RPS6KC1: variants seen among roughly 807,000 people sequenced by gnomAD.
The protein encoded by RPS6KC1 is ribosomal protein S6 kinase C1.
Under a neutral mutation model 103.8 loss-of-function variants are expected in RPS6KC1, and 54 were observed. The observed-to-expected ratio is 0.52, with a 90% CI of 0.42 to 0.65. The LOEUF (loss-of-function observed/expected upper bound fraction) is 0.65. Among genes scored for constraint, RPS6KC1 ranks in the 30% least tolerant of loss-of-function variants. RPS6KC1 has a pLI of 0.00. For missense variants in RPS6KC1, 1,151 were observed against 1,253.8 expected (o/e 0.92, Z 1.24); for synonymous variants, 439 against 438.7 (o/e 1.00, Z -0.01).
chr1:213,501,732 CA>C, the RPS6KC1 span, among the ~76,000 whole-genome samples: 84,557 of 126,854 alleles, frequency 0.67, 25,740 homozygotes, highest in East Asian at 0.96. Context: ...GAGAGTCCAT[CA>C]AAAAAAAAAA....
chr1:213,312,256 G>GC, the RPS6KC1 span, among the ~76,000 whole-genome samples: 1 of 151,924 alleles, frequency 6.6e-6, no homozygotes, highest in Non-Finnish European at 1.5e-5. Flanking sequence ...AGTGCAGGGG[G>GC]GGCAACTGCA....
At chr1:213,482,279 G>A in the RPS6KC1 span, among the ~76,000 whole-genome samples, 11 of 151,860 alleles carry the variant, frequency 7.2e-5, no homozygotes, top group Admixed American at 3.9e-4. Context: ...TCTTGGTTTG[G>A]TAAAGTATAA....
Position 213,249,383 on chromosome 1 carries a change from C to A in RPS6KC1, c.2911+6725C>A, listed in dbSNP as rs141529806. Among the ~76,000 whole-genome samples the A allele has an allele frequency of 2.4e-3, 365 of 152,280 alleles. 2 individuals carry two copies. The highest frequency in any genetic ancestry group is 4.3e-3 in the Non-Finnish European group (291 of 68,008). On this transcript the variant is annotated intron_variant, in intron 12 of 14. Transcript: ENST00000366960. ...CAGGTCTTATTCCTTCTGAGCAGTT[C>A]TTCACAAATTCTTCCTTCGAATAAA...
At chr1:213,367,738 C>A in the RPS6KC1 span, among the ~76,000 whole-genome samples, 1 of 152,162 alleles carries the variant, frequency 6.6e-6, no homozygotes, top group Non-Finnish European at 1.5e-5. Context: ...GTTCTCAGAC[C>A]ACACATTTTG....
chr1:213,537,864 G>GTA, the RPS6KC1 span, among the ~76,000 whole-genome samples: 2 of 152,260 alleles, frequency 1.3e-5, no homozygotes, highest in African/African-American at 4.8e-5. Context: ...CAGGTGCTTT[G>GTA]TATATATCTA....
chr1:213,187,844 G>T (rs768620510), intron 8 of RPS6KC1, among the ~76,000 whole-genome samples: 2 of 151,388 alleles, frequency 1.3e-5, no homozygotes, highest in Non-Finnish European at 2.9e-5. Context: ...ATCTTGTTTT[G>T]GTTTCTACTG....
At chr1:213,219,181 A>G (rs1220366628) in intron 8 of RPS6KC1, among the ~76,000 whole-genome samples, 1 of 152,198 alleles carries the variant, frequency 6.6e-6, no homozygotes, top group Non-Finnish European at 1.5e-5. Flanking sequence ...ATGTAACCCC[A>G]TCAACAAGTG....
At chr1:213,624,342 C>G in the RPS6KC1 span, among the ~76,000 whole-genome samples, 1 of 152,232 alleles carries the variant, frequency 6.6e-6, no homozygotes, top group South Asian at 2.1e-4. Flanking sequence ...TGATCTTTGT[C>G]CTGACAGAGC....
At chr1:213,220,358 G>A (rs967156906) in intron 8 of RPS6KC1, among the ~76,000 whole-genome samples, 1 of 152,056 alleles carries the variant, frequency 6.6e-6, no homozygotes, top group African/African-American at 2.4e-5. Flanking sequence ...ATGGAGTCTC[G>A]CTCTGTCACC....
At chr1:213,569,573 A>AT in the RPS6KC1 span, among the ~76,000 whole-genome samples, 86 of 149,124 alleles carry the variant, frequency 5.8e-4, no homozygotes, top group African/African-American at 1.4e-3. Context: ...GCAGCAAGCT[A>AT]TTTTTTTTTT....
chr1:213,068,181 A>G (rs1325521053), intron 1 of RPS6KC1, among the ~76,000 whole-genome samples: 1 of 152,138 alleles, frequency 6.6e-6, no homozygotes. Context: ...TCTTCTCAAT[A>G]CATTTCATAA....
At chr1:213,405,370 A>C in the RPS6KC1 span, among the ~76,000 whole-genome samples, 1 of 152,182 alleles carries the variant, frequency 6.6e-6, no homozygotes, top group Non-Finnish European at 1.5e-5. Context: ...CATTGGAGAG[A>C]AGGGGAATTG....
At chr1:213,354,197 T>G in the RPS6KC1 span, among the ~76,000 whole-genome samples, 1 of 152,232 alleles carries the variant, frequency 6.6e-6, no homozygotes, top group Non-Finnish European at 1.5e-5. Flanking sequence ...CCCTAAGGGT[T>G]TGTTGGAAGA....
chr1:213,609,313 C>T, the RPS6KC1 span, among the ~76,000 whole-genome samples: 7 of 152,190 alleles, frequency 4.6e-5, no homozygotes, highest in African/African-American at 7.2e-5. Context: ...CTTGATAGAA[C>T]GCAGTGGGAT....
At chr1:213,223,593 C>G (rs116581015) in intron 8 of RPS6KC1, among the ~76,000 whole-genome samples, 2,738 of 152,252 alleles carry the variant, frequency 0.018, 38 homozygotes, top group Non-Finnish European at 0.03. Flanking sequence ...ACCACATTTT[C>G]TTTATCCACT....
At chr1:213,263,583 A>G (rs571747163) in intron 14 of RPS6KC1, among the ~76,000 whole-genome samples, 68 of 152,282 alleles carry the variant, frequency 4.5e-4, no homozygotes, top group Non-Finnish European at 8.7e-4. Context: ...ATCAAGAACT[A>G]AAATTATGTA....
intron 8 of RPS6KC1, among the ~76,000 whole-genome samples, chr1:213,185,656 A>G (rs1450178251): frequency 6.6e-6 from 1 of 152,088 alleles, no homozygotes; most frequent in African/African-American, 2.4e-5. Flanking sequence ...TGTCTCAAAA[A>G]GAAAAAAAAA....
intron 6 of RPS6KC1, among the ~76,000 whole-genome samples, chr1:213,147,108 G>T (rs2087951044): frequency 6.6e-6 from 1 of 152,018 alleles, no homozygotes; most frequent in African/African-American, 2.4e-5. Context: ...TTGTGAGATG[G>T]GTAGTTTGTA....
At chr1:213,287,346 C>T in the RPS6KC1 span, among the ~76,000 whole-genome samples, 2 of 151,992 alleles carry the variant, frequency 1.3e-5, no homozygotes, top group African/African-American at 4.8e-5. Flanking sequence ...GTCATTTCTA[C>T]AGGGCTACTG....
Sources: allele counts gnomAD v4.1 joint callset (sites outside exome capture counted in the v4.1 genomes callset), GRCh38; gene constraint gnomAD v4.1.1; transcripts MANE v1.5; gene names NCBI Gene and HGNC (gene_info 2026-07-23, HGNC 2026-07-21).